The following GRB2 variants were observed in gnomAD, a reference collection of about 807,000 sequenced individuals.
GRB2 encodes the protein growth factor receptor bound protein 2.
GRB2 carries 2 observed loss-of-function variants against 27.4 expected under a neutral mutation model. The ratio of observed to expected loss-of-function variants is 0.07; its 90% confidence interval spans 0.03 to 0.23. The LOEUF is 0.23. GRB2 is among the 10% of genes least tolerant of loss of function. GRB2 has a pLI of 1.00. For missense variants in GRB2, 102 were observed against 282.4 expected (o/e 0.36, Z 4.58); for synonymous variants, 94 against 99.6 (o/e 0.94, Z 0.33).
At chr17:75,368,322 T>G (rs2078833596) in intron 2 of GRB2, among the ~76,000 whole-genome samples, 1 of 151,642 alleles carries the variant, frequency 6.6e-6, no homozygotes. Flanking sequence ...GTCAAGCGAT[T>G]ATCCTGCCTC....
rs1736878407 is a variant in GRB2, at chr17:75,318,716, A to G, written c.*1652T>C. The G allele has an allele frequency of 6.6e-6, 1 of 152,212 alleles. No homozygotes were observed. Among genetic ancestry groups the G allele is most frequent in the African/African-American group, 2.4e-5 (1 of 41,420 alleles). 9.4% of individuals were successfully genotyped at this position (152,212 alleles called of 1,614,324 possible). A position where few individuals can be genotyped will look rare whatever the true frequency, so the allele number is the denominator to read the frequency against. On this transcript the variant is annotated 3_prime_UTR_variant, in exon 6 of 6. Coordinates refer to ENST00000316804, the MANE Select transcript of GRB2 (RefSeq NM_002086.5). ...ACAGCCCACTGGGAAGGGAGGCACA[A>G]GCAGCACTCCAGCTTCCCAGTGCTG...
In GRB2 at chr17:75,319,647, G is replaced by C. The variant is rs988754591; in HGVS notation, c.*721C>G. Reference sequence around the variant, plus strand: ...AGTAGAGACGGGGTTTCACCATGTTGGCTAGGTTGGTCTCGAACTCCTGAC... The same window carrying C: ...AGTAGAGACGGGGTTTCACCATGTTCGCTAGGTTGGTCTCGAACTCCTGAC... On this transcript the variant is annotated 3_prime_UTR_variant, in exon 6 of 6. Coordinates refer to ENST00000316804, the MANE Select transcript of GRB2 (RefSeq NM_002086.5). 2.0e-5 allele frequency: 3 copies of C among 152,208 alleles called. No homozygotes were observed. Among genetic ancestry groups the C allele is most frequent in the Admixed American group, 2.0e-4 (3 of 15,268 alleles). 9.4% of individuals were successfully genotyped at this position (152,208 alleles called of 1,614,324 possible).
chr17:75,343,994 C>G (rs1421090796), intron 2 of GRB2, among the ~76,000 whole-genome samples: 1 of 152,150 alleles, frequency 6.6e-6, no homozygotes, highest in East Asian at 1.9e-4. Context: ...GATACCCTTC[C>G]CAAGGAGCTT....
At chr17:75,339,039 G>A (rs1443883535) in intron 2 of GRB2, 2 of 1,262,726 alleles carry the variant, frequency 1.6e-6, no homozygotes, top group Non-Finnish European at 2.3e-6. Context: ...TAAGGCTTGA[G>A]TGCGTTGAGC....
chr17:75,368,265 G>C (rs886420656), intron 2 of GRB2, among the ~76,000 whole-genome samples: 36 of 143,476 alleles, frequency 2.5e-4, no homozygotes, highest in Admixed American at 1.6e-3. Flanking sequence ...ACCCAGGCTA[G>C]AGTGCAGTGA....
intron 2 of GRB2, among the ~76,000 whole-genome samples, chr17:75,359,219 T>C (rs2078761696): frequency 2.0e-5 from 3 of 147,944 alleles, no homozygotes; most frequent in Admixed American, 6.7e-5. Context: ...TTTGGTTAAA[T>C]TGTCTCCAAA....
In GRB2 at chr17:75,369,337, G is replaced by A. The variant is rs1318792280; in HGVS notation, c.78+24214C>T. On this transcript the variant is annotated intron_variant, in intron 2 of 5. Transcript: ENST00000316804. ...TTTAAATGATTTTAAGCTGGAACAG[G>A]AGTAGCAGCACAATGTTATAGGAAA... Among the ~76,000 whole-genome samples the A allele has an allele frequency of 2.0e-5, 3 of 152,272 alleles. No individual in the cohort carries two copies. The South Asian group carries it at 6.2e-4, about 32-fold the overall frequency.
chr17:75,324,052 G>A lies in GRB2; in HGVS notation c.299+1846C>T, dbSNP rs577226116. Among the ~76,000 whole-genome samples, 7 of 151,418 alleles carry A rather than the reference G, an allele frequency of 4.6e-5. No individual in the cohort carries two copies. The South Asian group carries it at 1.0e-3, about 23-fold the overall frequency. ...GTCTCAAACTCCTGACCTCATGATCGGCCCGCCTCAGCCTCCTAAAGGGCT... is the reference window on the plus strand; with the variant it reads ...GTCTCAAACTCCTGACCTCATGATCAGCCCGCCTCAGCCTCCTAAAGGGCT... On this transcript the variant is annotated intron_variant, in intron 4 of 5. Transcript: ENST00000316804.
chr17:75,392,093 T>C (rs1308934683), intron 2 of GRB2, among the ~76,000 whole-genome samples: 2 of 152,124 alleles, frequency 1.3e-5, no homozygotes, highest in African/African-American at 4.8e-5. Flanking sequence ...AAAACAGTAA[T>C]CACCTACAGA....
chr17:75,328,586 G>A (rs1406833280), intron 3 of GRB2, among the ~76,000 whole-genome samples: 2 of 152,208 alleles, frequency 1.3e-5, no homozygotes, highest in African/African-American at 2.4e-5. Flanking sequence ...AGGTTGCGGT[G>A]AGCCGAGATC....
chr17:75,370,192 C>T (rs1340422384), intron 2 of GRB2, among the ~76,000 whole-genome samples: 10 of 152,148 alleles, frequency 6.6e-5, no homozygotes, highest in Admixed American at 2.6e-4. Flanking sequence ...AAGGCTGCCA[C>T]TAATATTCAT....
intron 2 of GRB2, among the ~76,000 whole-genome samples, chr17:75,356,662 G>A (rs934612104): frequency 2.6e-5 from 4 of 152,068 alleles, no homozygotes; most frequent in African/African-American, 7.2e-5. Context: ...GATTCCGCTC[G>A]TACCACTCTA....
At chr17:75,365,018 C>G (rs575163058) in intron 2 of GRB2, among the ~76,000 whole-genome samples, 5 of 152,232 alleles carry the variant, frequency 3.3e-5, no homozygotes, top group Admixed American at 3.3e-4. Flanking sequence ...GAGCCTAACA[C>G]CCAAACTTCT....
intron 2 of GRB2, among the ~76,000 whole-genome samples, chr17:75,366,802 A>G (rs1567868684): frequency 6.6e-6 from 1 of 152,220 alleles, no homozygotes; most frequent in East Asian, 1.9e-4. Flanking sequence ...TCAGAGTGAG[A>G]CCCTGGCTCA....
chr17:75,382,148 G>A (rs1328531102), intron 2 of GRB2, among the ~76,000 whole-genome samples: 3 of 151,882 alleles, frequency 2.0e-5, no homozygotes, highest in Admixed American at 6.6e-5. Flanking sequence ...ACTTGAACTC[G>A]GGAGGCAGAG....
Position 75,363,859 on chromosome 17 carries a change from CAAAAAAAAAAAAAAAAAAAAAA to C in GRB2, c.78+29670_78+29691del, listed in dbSNP as rs55746272. ...TGGGCGACAGAGCAAGACTCCGTCT[CAAAAAAAAAAAAAAAAAAAAAA>C]AAAAAAAAAAAAAAAAAGTTTGGCA... is the stretch of plus-strand genomic sequence containing the variant. On this transcript the variant is annotated intron_variant, in intron 2 of 5. Coordinates refer to ENST00000316804, the MANE Select transcript of GRB2 (RefSeq NM_002086.5). 2.7e-4 allele frequency among the ~76,000 whole-genome samples: 16 copies of C among 58,528 alleles called. 1 individual carries two copies. The South Asian group carries it at 5.1e-3, about 19-fold the overall frequency. The allele number at this position is 58,528 out of a possible 152,430, so 38.4% of individuals were successfully genotyped here. A position where few individuals can be genotyped will look rare whatever the true frequency, so the allele number is the denominator to read the frequency against.
At chr17:75,395,556 C>T (rs559481737) in intron 1 of GRB2, among the ~76,000 whole-genome samples, 73 of 152,278 alleles carry the variant, frequency 4.8e-4, no homozygotes, top group African/African-American at 1.6e-3. Context: ...CACCCACAGG[C>T]GATCACTCTC....
chr17:75,348,137 C>T (rs1019006343), intron 2 of GRB2, among the ~76,000 whole-genome samples: 1 of 152,184 alleles, frequency 6.6e-6, no homozygotes, highest in African/African-American at 2.4e-5. Flanking sequence ...GCCTCCCGGG[C>T]TCAAGTGATC....
chr17:75,367,993 A>C (rs975667948), intron 2 of GRB2, among the ~76,000 whole-genome samples: 1 of 150,758 alleles, frequency 6.6e-6, no homozygotes, highest in Non-Finnish European at 1.5e-5. Context: ...AGCGATTCTC[A>C]TGCCTCAGCC....
Sources: gnomAD v4.1 joint callset for allele counts (sites outside exome capture counted in the v4.1 genomes callset) on GRCh38, gnomAD v4.1.1 for gene constraint, MANE v1.5 for transcripts, NCBI Gene and HGNC (gene_info 2026-07-23, HGNC 2026-07-21) for gene names.